Variants in CNTNAP2 observed in about 807,000 individuals in gnomAD.
CNTNAP2 encodes contactin associated protein 2.
In CNTNAP2, 98 loss-of-function variants were observed where a neutral mutation model predicts 155.2. The ratio of observed to expected loss-of-function variants is 0.63; its 90% confidence interval spans 0.54 to 0.75. The LOEUF is 0.75. Among genes scored for constraint, CNTNAP2 ranks in the 30% least tolerant of loss-of-function variants. The probability of loss-of-function intolerance (pLI) is 0.00; values close to 1 mark genes in which losing one functional copy is unlikely to be tolerated. For missense variants in CNTNAP2, 1,727 were observed against 1,688.1 expected (o/e 1.02, Z -0.40); for synonymous variants, 651 against 631.2 (o/e 1.03, Z -0.47).
chr7:147,269,552 A>G (rs1459740628), intron 8 of CNTNAP2, among the ~76,000 whole-genome samples: 1 of 152,228 alleles, frequency 6.6e-6, no homozygotes, highest in African/African-American at 2.4e-5. Context: ...ACATATGACA[A>G]GGAAACAAAC....
At chr7:147,038,800 T>C (rs1799206744) in intron 3 of CNTNAP2, among the ~76,000 whole-genome samples, 1 of 152,242 alleles carries the variant, frequency 6.6e-6, no homozygotes, top group Non-Finnish European at 1.5e-5. Context: ...AATTTCTCTT[T>C]ACTCAGAGAG....
chr7:146,996,190 G>A (rs562762032), intron 3 of CNTNAP2, among the ~76,000 whole-genome samples: 2 of 151,964 alleles, frequency 1.3e-5, no homozygotes, highest in African/African-American at 4.8e-5. Context: ...TGGTCTTAGT[G>A]CCTTTGTAGG....
intron 14 of CNTNAP2, among the ~76,000 whole-genome samples, chr7:147,925,466 A>T (rs537476104): frequency 4.9e-4 from 74 of 151,622 alleles, no homozygotes; most frequent in African/African-American, 1.7e-3. Context: ...TGGATTTTTT[A>T]TTTTTTAATT....
At chr7:147,020,015 GGTATA>G (rs1349309320) in intron 3 of CNTNAP2, among the ~76,000 whole-genome samples, 3 of 126,452 alleles carry the variant, frequency 2.4e-5, no homozygotes, top group Non-Finnish European at 5.2e-5. Flanking sequence ...GGTATGGTAT[GGTATA>G]GTACAGTACA....
intron 9 of CNTNAP2, among the ~76,000 whole-genome samples, chr7:147,357,948 C>A (rs1265337313): frequency 3.3e-5 from 5 of 152,132 alleles, no homozygotes; most frequent in African/African-American, 1.2e-4. Context: ...TCTGTTGTGT[C>A]CACATCCATT....
chr7:147,870,173 T>C (rs1177880604), intron 13 of CNTNAP2, among the ~76,000 whole-genome samples: 1 of 152,118 alleles, frequency 6.6e-6, no homozygotes, highest in Admixed American at 6.6e-5. Flanking sequence ...ATGGTATTGA[T>C]CTATGTTGAA....
At chr7:147,010,886 G>A (rs201205598) in intron 3 of CNTNAP2, among the ~76,000 whole-genome samples, 77 of 151,954 alleles carry the variant, frequency 5.1e-4, no homozygotes, top group East Asian at 3.9e-3. Flanking sequence ...ACCTCCCCCC[G>A]CCCCAAATAA....
chr7:148,046,254 GTT>G (rs1421241312), intron 15 of CNTNAP2, among the ~76,000 whole-genome samples: 2 of 152,028 alleles, frequency 1.3e-5, no homozygotes, highest in Non-Finnish European at 2.9e-5. Flanking sequence ...CCAGTACCTG[GTT>G]CTTAATTAAC....
At chr7:147,454,955 G>T (rs938729949) in intron 10 of CNTNAP2, among the ~76,000 whole-genome samples, 2 of 152,044 alleles carry the variant, frequency 1.3e-5, no homozygotes, top group Non-Finnish European at 2.9e-5. Flanking sequence ...CAGGATCATG[G>T]TCTTTAATCT....
In CNTNAP2 at chr7:146,164,839, T is replaced by A. The variant is rs558554908; in HGVS notation, c.97+47866T>A. ...AGACAATTTGTGTTTAGATCTCATCTTTCTGGGAGTTCTTTGAGGCTTATA... is the reference window on the plus strand; with the variant it reads ...AGACAATTTGTGTTTAGATCTCATCATTCTGGGAGTTCTTTGAGGCTTATA... On this transcript the variant is annotated intron_variant, in intron 1 of 23. Coordinates refer to ENST00000361727, the MANE Select transcript of CNTNAP2 (RefSeq NM_014141.6). 3.9e-5 allele frequency among the ~76,000 whole-genome samples: 6 copies of A among 152,318 alleles called. No homozygotes were observed. The South Asian group carries it at 1.2e-3, about 32-fold the overall frequency.
At chr7:148,022,127 T>C (rs1326380928) in intron 15 of CNTNAP2, among the ~76,000 whole-genome samples, 2 of 152,020 alleles carry the variant, frequency 1.3e-5, no homozygotes, top group African/African-American at 2.4e-5. Flanking sequence ...AAGTATTATA[T>C]GTAAACCTGT....
At chr7:148,229,538 G>C in intron 19 of CNTNAP2, 108 bp from the exon 20 acceptor site, 1 of 1,417,024 alleles carries the variant, frequency 7.1e-7, no homozygotes, top group Non-Finnish European at 9.8e-7. Flanking sequence ...AGAAAGAAAA[G>C]AAAAGAAAGG....
chr7:147,307,107 T>C (rs149721289), intron 9 of CNTNAP2, among the ~76,000 whole-genome samples: 90 of 152,260 alleles, frequency 5.9e-4, no homozygotes, highest in African/African-American at 2.0e-3. Flanking sequence ...CTTAAAACCA[T>C]AGAAATATTA....
intron 9 of CNTNAP2, among the ~76,000 whole-genome samples, chr7:147,338,448 T>C (rs1795701694): frequency 6.6e-6 from 1 of 152,130 alleles, no homozygotes; most frequent in Non-Finnish European, 1.5e-5. Context: ...AAACCAAATA[T>C]AGAACATAAG....
At chr7:148,368,754 C>G (rs1004039789) in intron 21 of CNTNAP2, among the ~76,000 whole-genome samples, 1 of 152,124 alleles carries the variant, frequency 6.6e-6, no homozygotes, top group South Asian at 2.1e-4. Context: ...GTGAGAGGGT[C>G]GTGATCTATT....
chr7:146,449,867 G>A (rs1238426415), intron 1 of CNTNAP2, among the ~76,000 whole-genome samples: 1 of 152,096 alleles, frequency 6.6e-6, no homozygotes, highest in Non-Finnish European at 1.5e-5. Flanking sequence ...TGTCAGCACA[G>A]AACCATGTTC....
At chr7:147,290,938 G>A (rs1805292870) in intron 8 of CNTNAP2, among the ~76,000 whole-genome samples, 1 of 152,022 alleles carries the variant, frequency 6.6e-6, no homozygotes, top group Non-Finnish European at 1.5e-5. Flanking sequence ...AAATAATAAG[G>A]ACCAACTGTT....
intron 16 of CNTNAP2, among the ~76,000 whole-genome samples, chr7:148,137,146 C>A (rs1459844940): frequency 6.6e-6 from 1 of 152,206 alleles, no homozygotes; most frequent in Non-Finnish European, 1.5e-5. Context: ...TCCTGGGATA[C>A]TTTCAAACCT....
rs373107258 is a variant in CNTNAP2, at chr7:146,929,529, C to T, written c.402+89625C>T. Among the ~76,000 whole-genome samples, 155 of 152,264 alleles carry T rather than the reference C, an allele frequency of 1.0e-3. 1 individual carries two copies. The highest frequency in any genetic ancestry group is 1.4e-3 in the Non-Finnish European group (92 of 68,028). On this transcript the variant is annotated intron_variant, in intron 3 of 23. Transcript: ENST00000361727. ...AAACTGGAAACTCTGAAAAGCAGAGCGCCTCTCCTCCTCCAAAGGCACGCA... is the reference window on the plus strand; with the variant it reads ...AAACTGGAAACTCTGAAAAGCAGAGTGCCTCTCCTCCTCCAAAGGCACGCA...
Sources: allele counts gnomAD v4.1 joint callset (sites outside exome capture counted in the v4.1 genomes callset), GRCh38; gene constraint gnomAD v4.1.1; transcripts MANE v1.5; gene names NCBI Gene and HGNC (gene_info 2026-07-23, HGNC 2026-07-21).